Variants in TRIM3 observed in about 807,000 individuals in gnomAD.
TRIM3 encodes the protein tripartite motif containing 3.
In TRIM3, 13 loss-of-function variants were observed where a neutral mutation model predicts 66.6. The observed-to-expected ratio is 0.20, with a 90% confidence interval of 0.13 to 0.31. The LOEUF (loss-of-function observed/expected upper bound fraction) is 0.31, where lower values mean the gene tolerates loss of function less well. Ranked by LOEUF, TRIM3 falls within the 10% of genes least tolerant of loss-of-function variation. TRIM3 has a pLI of 1.00. For missense variants in TRIM3, 711 were observed against 1,020.4 expected, an observed-to-expected ratio of 0.70 and a Z score of 4.13; for synonymous variants, 406 against 411.7, an observed-to-expected ratio of 0.99 and a Z score of 0.17.
At chr11:6,453,381 A>G (rs192381016) in intron 7 of TRIM3, 1 of 152,328 alleles carries the variant, frequency 6.6e-6, no homozygotes, top group Non-Finnish European at 1.5e-5. Context: ...TGCTTCCTTA[A>G]TATCTCTAGA....
intron 1 of TRIM3, among the ~76,000 whole-genome samples, chr11:6,470,720 C>A (rs1200830285): frequency 6.6e-6 from 1 of 152,194 alleles, no homozygotes; most frequent in Admixed American, 6.5e-5. Flanking sequence ...GAGATGGTTC[C>A]TGAAGCCATG....
chr11:6,462,208 G>C (rs925577506), intron 2 of TRIM3, among the ~76,000 whole-genome samples: 5 of 146,688 alleles, frequency 3.4e-5, no homozygotes, highest in African/African-American at 1.3e-4. Flanking sequence ...TTTATATCCT[G>C]TAAAACATTA....
intron 2 of TRIM3, among the ~76,000 whole-genome samples, chr11:6,459,787 C>A (rs1362418735): frequency 2.0e-5 from 3 of 152,144 alleles, no homozygotes; most frequent in Non-Finnish European, 4.4e-5. Context: ...CTTCCAAATT[C>A]CTAGCTTTGA....
chr11:6,455,975 A>C, intron 7 of TRIM3, 97 bp downstream of exon 7: 1 of 1,213,870 alleles, frequency 8.2e-7, no homozygotes, highest in Non-Finnish European at 1.2e-6. Context: ...GTAGGGTTCC[A>C]TCTTCCAGGA....
Position 6,449,095 on chromosome 11 carries a change from G to A in TRIM3, c.2168C>T (p.Ser723Leu), listed in dbSNP as rs763867953. Residue 723 changes from serine (S) to leucine (L), a missense_variant, in exon 12 of 12, where the codon TCG becomes TTG. This residue lies in a region of TRIM3 where 163 missense variants were observed against 321.9 expected (regional missense o/e 0.51). Coordinates refer to ENST00000345851, the MANE Select transcript of TRIM3 (RefSeq NM_033278.4). The surrounding 1 kb of genome is among the most constrained non-coding windows in gnomAD (Gnocchi z 5.3). ...ATCAGCCACCACCACATGGCCATCC[G>A]AGGTCAGTGCCAGGCCCTGTGGACC... ...LYGPQGLALTSDGHVVVADAG... is the reference protein window; with the variant it reads ...LYGPQGLALTLDGHVVVADAG... 5 of 1,614,200 alleles carry A rather than the reference G, an allele frequency of 3.1e-6. No individual in the cohort carries two copies. Among genetic ancestry groups the A allele is most frequent in the South Asian group, 1.1e-5 (1 of 91,086 alleles).
intron 1 of TRIM3, among the ~76,000 whole-genome samples, chr11:6,471,823 C>T (rs957965580): frequency 2.6e-5 from 4 of 152,010 alleles, no homozygotes; most frequent in Admixed American, 6.5e-5. Context: ...GACATTGATA[C>T]GTACATTGGG....
In TRIM3 at chr11:6,465,614, G is replaced by A. The variant is rs551613146; in HGVS notation, c.82C>T (p.Arg28Trp). ...QFLVCSICLDRYQCPKVLPCL... is the reference protein window; with the variant it reads ...QFLVCSICLDWYQCPKVLPCL... ...GGAAGAACCTTGGGGCACTGGTACC[G>A]ATCCAGGCAGATGCTGCATACCAGG... is the stretch of plus-strand genomic sequence containing the variant. The change falls in exon 2 of 12, where the codon CGG (arginine) becomes TGG (tryptophan). Residue 28 changes from arginine (R) to tryptophan (W), a missense_variant. Transcript: ENST00000345851. 21 of 1,614,160 alleles carry A rather than the reference G, an allele frequency of 1.3e-5. No individual in the cohort carries two copies. Among genetic ancestry groups the A allele is most frequent in the East Asian group, 8.9e-5 (4 of 44,884 alleles).
At position 6,468,742 on chromosome 11, in the gene TRIM3, G is replaced by A. The variant is rs58121083; in HGVS notation, c.-37-3010C>T. ...GTAGACAATACATGGCAGGGATTTG[G>A]TCATGAAGGGTGGCAGAACAACAGC... On this transcript the variant is annotated intron_variant, in intron 1 of 11. Coordinates refer to ENST00000345851, the MANE Select transcript of TRIM3 (RefSeq NM_033278.4). 3.8e-3 allele frequency among the ~76,000 whole-genome samples: 577 copies of A among 152,330 alleles called. 7 individuals carry two copies. The highest frequency in any genetic ancestry group is 0.013 in the African/African-American group (544 of 41,570).
rs375414839 is a variant in TRIM3 at position 6,450,852 on chromosome 11, C to T, written c.1870+40G>A. The T allele has an allele frequency of 6.2e-6, 10 of 1,609,152 alleles. No homozygotes were observed. The African/African-American group carries it at 1.1e-4, about 17-fold the overall frequency. On this transcript the variant is annotated intron_variant, in intron 9 of 11. Transcript: ENST00000345851. The surrounding 1 kb of genome is among the most constrained non-coding windows in gnomAD (Gnocchi z 4.8). The stretch of plus-strand genomic sequence containing the variant: ...GGGTATCTAGGGGAGTTCTCTGGAA[C>T]AGGGGTATCAGCATAGATCTTGGAG...
chr11:6,464,986 C>CAAAAAAAAAAAAA, intron 2 of TRIM3, among the ~76,000 whole-genome samples: 1 of 54,178 alleles, frequency 1.8e-5, no homozygotes, highest in Non-Finnish European at 3.3e-5. Flanking sequence ...GACTCCATCT[C>CAAAAAAAAAAAAA]AAAAAAAAAA....
chr11:6,468,432 G>A (rs1850553913), intron 1 of TRIM3, among the ~76,000 whole-genome samples: 1 of 152,200 alleles, frequency 6.6e-6, no homozygotes, highest in Non-Finnish European at 1.5e-5. Context: ...GAGAAGACAT[G>A]AGCCCACCTA....
chr11:6,458,395 G>A lies in TRIM3; in HGVS notation c.132-99C>T, dbSNP rs1850086955. 1.1e-6 allele frequency: 1 copy of A among 943,866 alleles called. No homozygotes were observed. Among genetic ancestry groups the A allele is most frequent in the Admixed American group, 2.4e-5 (1 of 41,154 alleles). The allele number at this position is 943,866 out of a possible 1,614,324, so 58.5% of individuals were successfully genotyped here. Reference sequence around the variant, plus strand: ...GGTGCCAACCCCTTCCCTCACAGGTGTGCCATTACACTTCATTTTAAAACC... The same window carrying A: ...GGTGCCAACCCCTTCCCTCACAGGTATGCCATTACACTTCATTTTAAAACC... On this transcript the variant is annotated intron_variant, in intron 2 of 11. Coordinates refer to ENST00000345851, the MANE Select transcript of TRIM3 (RefSeq NM_033278.4). This position sits in a 1 kb window ranked among gnomAD's most constrained non-coding sequence, Gnocchi z 6.2.
chr11:6,451,504 G>A, intron 7 of TRIM3, 66 bp from the exon 8 acceptor site: 17 of 1,558,866 alleles, frequency 1.1e-5, no homozygotes, highest in Non-Finnish European at 1.5e-5. Context: ...AGACAGAAGG[G>A]AGTAGGATCC....
In TRIM3 at chr11:6,450,907, C is replaced by T; in HGVS notation, c.1855G>A (p.Asp619Asn). ...VGRFGGRGAT[D>N]RHFAGPHFVA... ...CCCCCTATACCTGCAAAGTGGCGGT[C>T]AGTGGCCCCACGGCCCCCAAAACGG... Residue 619 changes from aspartate (D) to asparagine (N), a missense_variant, in exon 9 of 12, where the codon GAC becomes AAC. Physicochemically the swap from Asp to Asn is conservative, Grantham distance 23. This residue lies in a region of TRIM3 where 163 missense variants were observed against 321.9 expected (regional missense o/e 0.51). Coordinates refer to ENST00000345851, the MANE Select transcript of TRIM3 (RefSeq NM_033278.4). The surrounding 1 kb of genome is among the most constrained non-coding windows in gnomAD (Gnocchi z 4.8). 6.2e-7 allele frequency: 1 copy of T among 1,614,138 alleles called. No individual in the cohort carries two copies. Among genetic ancestry groups the T allele is most frequent in the Non-Finnish European group, 8.5e-7 (1 of 1,180,008 alleles).
rs1849681709 is a variant in TRIM3, at chr11:6,450,644, A to G, written c.1871-23T>C. 6.2e-7 allele frequency: 1 copy of G among 1,611,920 alleles called. No individual in the cohort carries two copies. The highest frequency in any genetic ancestry group is 1.1e-5 in the South Asian group (1 of 91,042). On this transcript the variant is annotated intron_variant, in intron 9 of 11. Transcript: ENST00000345851. The surrounding 1 kb of genome is among the most constrained non-coding windows in gnomAD (Gnocchi z 4.8). ...GCCCTGAAAATACAAAGTGGTCTTC[A>G]GGGCAGTAAGCTGGGATGCTGAGTG...
chr11:6,471,841 T>A (rs969563797), intron 1 of TRIM3, among the ~76,000 whole-genome samples: 5 of 151,830 alleles, frequency 3.3e-5, no homozygotes, highest in African/African-American at 1.2e-4. Context: ...GGGAAAACAG[T>A]GAGTAAAGAA....
At position 6,467,790 on chromosome 11, in the gene TRIM3, C is replaced by T. The variant is rs79627971; in HGVS notation, c.-37-2058G>A. 6.7e-3 allele frequency among the ~76,000 whole-genome samples: 1,013 copies of T among 151,926 alleles called. 14 individuals carry two copies. Among genetic ancestry groups the T allele is most frequent in the African/African-American group, 0.023 (957 of 41,422 alleles). On this transcript the variant is annotated intron_variant, in intron 1 of 11. Coordinates refer to ENST00000345851, the MANE Select transcript of TRIM3 (RefSeq NM_033278.4). ...TCTCAAAAAAAAAAAGTGATTTTAT[C>T]CTAAGTTGGAGGGGGGGATGATGTG... is the stretch of plus-strand genomic sequence containing the variant.
At chr11:6,473,556 T>C (rs11605777) in intron 1 of TRIM3, among the ~76,000 whole-genome samples, 70,300 of 151,516 alleles carry the variant, frequency 0.46, 16,789 homozygotes, top group Non-Finnish European at 0.51. Context: ...CGCGCTCCCC[T>C]AAGGAACCAT....
At position 6,450,797 on chromosome 11, in the gene TRIM3, A is replaced by C; in HGVS notation, c.1870+95T>G. 2 of 1,539,926 alleles carry C rather than the reference A, an allele frequency of 1.3e-6. No homozygotes were observed. The highest frequency in any genetic ancestry group is 1.8e-6 in the Non-Finnish European group (2 of 1,125,270). ...AAGGGAAGTGGGATCTCCAGAGCCA[A>C]GATATAGGAGGAGAGGGCCTTTACA... is the stretch of plus-strand genomic sequence containing the variant. On this transcript the variant is annotated intron_variant, in intron 9 of 11. Coordinates refer to ENST00000345851, the MANE Select transcript of TRIM3 (RefSeq NM_033278.4). This position sits in a 1 kb window ranked among gnomAD's most constrained non-coding sequence, Gnocchi z 4.8.
Sources: allele counts gnomAD v4.1 joint callset (sites outside exome capture counted in the v4.1 genomes callset), GRCh38; gene constraint gnomAD v4.1.1; regional missense constraint gnomAD v4.1.1; non-coding constraint Gnocchi (gnomAD v3.1); transcripts MANE v1.5; gene names NCBI Gene and HGNC (gene_info 2026-07-23, HGNC 2026-07-21).